Variants in CFAP251 observed in about 807,000 individuals in gnomAD.
CFAP251 encodes the protein cilia- and flagella-associated protein 251.
In CFAP251, 93 loss-of-function variants were observed where a neutral mutation model predicts 126.7. The ratio of observed to expected loss-of-function variants is 0.73; its 90% CI spans 0.62 to 0.87. The LOEUF (loss-of-function observed/expected upper bound fraction) is 0.87. Ranked by LOEUF, CFAP251 falls within the 40% of genes least tolerant of loss-of-function variation. CFAP251 has a pLI of 0.00. For synonymous variants in CFAP251, 503 were observed against 506.9 expected (o/e 0.99, Z 0.10); for missense variants, 1,287 against 1,389.2 (o/e 0.93, Z 1.17).
chr12:121,984,117 C>A (rs1394380480), intron 19 of CFAP251, among the ~76,000 whole-genome samples: 2 of 152,144 alleles, frequency 1.3e-5, no homozygotes, highest in Non-Finnish European at 2.9e-5. Context: ...ATCTTTCTTA[C>A]GTCATTACAA....
In CFAP251 at chr12:121,974,095, T is replaced by C. The variant is rs980354522; in HGVS notation, c.2772-1149T>C. On this transcript the variant is annotated intron_variant, in intron 17 of 21. Coordinates refer to ENST00000288912, the MANE Select transcript of CFAP251 (RefSeq NM_144668.6). This position sits in a 1 kb window ranked among gnomAD's most constrained non-coding sequence, Gnocchi z 4.6. ...AGGGACCTGGTGGGAGATGGTTGGA[T>C]TGTGGGGGCAGTTTCCCCCATGCTG... Among the ~76,000 whole-genome samples, 33 of 152,078 alleles carry C rather than the reference T, an allele frequency of 2.2e-4. No individual in the cohort carries two copies. The highest frequency in any genetic ancestry group is 7.0e-4 in the African/African-American group (29 of 41,400).
chr12:122,001,191 G>T (rs1328150862), intron 20 of CFAP251, among the ~76,000 whole-genome samples: 1 of 151,440 alleles, frequency 6.6e-6, no homozygotes, highest in Non-Finnish European at 1.5e-5. Flanking sequence ...CGAGTAGCTG[G>T]GATTACAGGC....
intron 3 of CFAP251, among the ~76,000 whole-genome samples, chr12:121,928,658 G>GTATATATATACGTATA (rs1592963571): frequency 1.5e-4 from 4 of 26,742 alleles, no homozygotes; most frequent in African/African-American, 2.3e-4. Context: ...ATATATATAC[G>GTATATATATACGTATA]TATATATATA....
intron 21 of CFAP251, among the ~76,000 whole-genome samples, chr12:122,002,773 C>T (rs544199476): frequency 9.8e-5 from 15 of 152,308 alleles, no homozygotes; most frequent in Non-Finnish European, 4.4e-5. Flanking sequence ...TCTAGGCTCA[C>T]TGGTACAGGA....
At position 121,923,790 on chromosome 12, in the gene CFAP251, G is replaced by C. The variant is rs2135743859; in HGVS notation, c.547G>C (p.Glu183Gln). The C allele has an allele frequency of 6.2e-7, 1 of 1,614,080 alleles. No individual in the cohort carries two copies. The highest frequency in any genetic ancestry group is 2.2e-5 in the East Asian group (1 of 44,866). Reference protein sequence around the residue: ...SPERQPSGELEEKTDRMPQDE... With the variant: ...SPERQPSGELQEKTDRMPQDE... Reference sequence around the variant, plus strand: ...TGAAAGGCAGCCCTCAGGAGAGCTTGAGGAGAAAACCGACCGGATGCCCCA... The same window carrying C: ...TGAAAGGCAGCCCTCAGGAGAGCTTCAGGAGAAAACCGACCGGATGCCCCA... The change falls in exon 3 of 22, where the codon GAG becomes CAG. Residue 183 changes from glutamate to glutamine, a missense_variant. Transcript: ENST00000288912.
At chr12:121,961,185 CAG>C (rs1276983438) in intron 14 of CFAP251, among the ~76,000 whole-genome samples, 1 of 152,130 alleles carries the variant, frequency 6.6e-6, no homozygotes, top group South Asian at 2.1e-4. Context: ...CGCAATATTA[CAG>C]AGTCAGGTGA....
chr12:121,957,224 C>T lies in CFAP251; in HGVS notation c.1686C>T (p.Asn562=). The T allele has an allele frequency of 6.2e-7, 1 of 1,613,988 alleles. No homozygotes were observed. The change falls in exon 11 of 22, where the codon AAC becomes AAT. Residue 562 remains asparagine, a synonymous_variant. Transcript: ENST00000288912. ...CAACTCCTCCTACTGAAAAATCAAA[C>T]TATCCTCCTGACTGCACTTTAAAAG... is the stretch of plus-strand genomic sequence containing the variant. ...TPATPPTEKS[N]YPPDCTLKGD...
At chr12:121,958,228 T>G (rs757498721) in intron 11 of CFAP251, 44 bp from the exon 12 acceptor site, 3 of 1,606,762 alleles carry the variant, frequency 1.9e-6, no homozygotes, top group Middle Eastern at 1.7e-4. Flanking sequence ...CATGCCCCAT[T>G]CCCTGCAAAC....
At chr12:121,970,045 CAG>C in intron 17 of CFAP251, 8 of 790,984 alleles carry the variant, frequency 1.0e-5, no homozygotes, top group Non-Finnish European at 1.1e-5. Context: ...AGTAAACAAA[CAG>C]AATTTCCTAC....
chr12:121,942,833 G>T, intron 6 of CFAP251, 62 bp from the exon 7 acceptor site: 2 of 1,575,562 alleles, frequency 1.3e-6, no homozygotes, highest in Non-Finnish European at 1.7e-6. Context: ...CACAAGAGGT[G>T]TAAGTTACTT....
chr12:121,957,025 T>C, intron 10 of CFAP251, 49 bp from the exon 11 acceptor site: 1 of 1,440,358 alleles, frequency 6.9e-7, no homozygotes. Flanking sequence ...ATATAGATGC[T>C]ACTTGTTATT....
At chr12:121,930,555 A>G (rs1167011130) in intron 3 of CFAP251, among the ~76,000 whole-genome samples, 3 of 152,174 alleles carry the variant, frequency 2.0e-5, no homozygotes, top group African/African-American at 7.2e-5. Context: ...ATAAACTAGT[A>G]TTGAAGTAAA....
Position 122,001,536 on chromosome 12 carries a change from C to T in CFAP251, c.3275C>T (p.Ala1092Val). 6.2e-7 allele frequency: 1 copy of T among 1,614,128 alleles called. No homozygotes were observed. Among genetic ancestry groups the T allele is most frequent in the Non-Finnish European group, 8.5e-7 (1 of 1,180,018 alleles). The part of the protein sequence containing the change: ...MTEEEMLDCF[A>V]SLFGLNPEGW... ...GAGGAGGAGATGTTGGATTGCTTTG[C>T]TTCACTGTTTGGCCTGAATCCCGAG... Residue 1092 changes from alanine to valine, a missense_variant, in exon 21 of 22, where the codon GCT becomes GTT. Transcript: ENST00000288912.
intron 17 of CFAP251, chr12:121,969,275 T>C: frequency 1.0e-6 from 1 of 985,428 alleles, no homozygotes. Context: ...CCACGGTGGT[T>C]TGAGATTGCA....
At chr12:121,920,456 G>A (rs1171711567) in intron 1 of CFAP251, among the ~76,000 whole-genome samples, 2 of 150,824 alleles carry the variant, frequency 1.3e-5, no homozygotes, top group Non-Finnish European at 3.0e-5. Context: ...GAGTGCAGTG[G>A]CACGATCTCG....
intron 19 of CFAP251, among the ~76,000 whole-genome samples, chr12:121,996,090 G>A (rs1883016088): frequency 6.6e-6 from 1 of 152,136 alleles, no homozygotes; most frequent in African/African-American, 2.4e-5. Context: ...GCTGCAAACT[G>A]GTGTCCTCTG....
At chr12:121,928,658 G>GTATATATATA (rs1259216748) in intron 3 of CFAP251, among the ~76,000 whole-genome samples, 12 of 26,742 alleles carry the variant, frequency 4.5e-4, no homozygotes, top group South Asian at 3.6e-3. Context: ...ATATATATAC[G>GTATATATATA]TATATATATA....
intron 5 of CFAP251, among the ~76,000 whole-genome samples, chr12:121,938,528 C>T (rs1880979869): frequency 1.3e-5 from 2 of 150,366 alleles, no homozygotes; most frequent in Non-Finnish European, 3.0e-5. Flanking sequence ...CAGGGTTTCA[C>T]CATGTTACTC....
At chr12:121,930,001 A>AT (rs35549091) in intron 3 of CFAP251, among the ~76,000 whole-genome samples, 95,247 of 151,962 alleles carry the variant, frequency 0.63, 31,975 homozygotes, top group African/African-American at 0.87. Flanking sequence ...TATTGTCTCC[A>AT]AGTTTCACCT....
Sources: allele counts gnomAD v4.1 joint callset (sites outside exome capture counted in the v4.1 genomes callset), GRCh38; gene constraint gnomAD v4.1.1; non-coding constraint Gnocchi (gnomAD v3.1); transcripts MANE v1.5; gene names NCBI Gene and HGNC (gene_info 2026-07-23, HGNC 2026-07-21).